The following PRKG2 variants were observed in gnomAD, a reference collection of about 807,000 sequenced individuals.
PRKG2 encodes the protein protein kinase cGMP-dependent 2.
In PRKG2, 33 loss-of-function variants were observed where a neutral mutation model predicts 97.2. That is an observed-to-expected ratio of 0.34 (90% CI 0.26 to 0.45). The LOEUF (loss-of-function observed/expected upper bound fraction) is 0.45. Ranked by LOEUF, PRKG2 falls within the 20% of genes least tolerant of loss-of-function variation. The pLI is 1.00. For synonymous variants in PRKG2, 330 were observed against 321.8 expected (o/e 1.03, Z -0.27); for missense variants, 638 against 900.0 (o/e 0.71, Z 3.73).
rs146371237 is a variant in PRKG2, at chr4:81,203,544, C to A, written c.461+1043G>T. Among the ~76,000 whole-genome samples the A allele has an allele frequency of 7.4e-3, 1,129 of 152,186 alleles. 12 individuals are homozygous for A. Among genetic ancestry groups the A allele is most frequent in the Non-Finnish European group, 0.011 (758 of 68,008 alleles). On this transcript the variant is annotated intron_variant, in intron 2 of 18. Transcript: ENST00000264399. ...TTAATTTCACAAATCTTGCATTTTG[C>A]AATAGAGATTCAGGCTCGACCAAGG...
At chr4:81,120,687 TTTG>T (rs551952309) in intron 14 of PRKG2, among the ~76,000 whole-genome samples, 1 of 152,130 alleles carries the variant, frequency 6.6e-6, no homozygotes, top group African/African-American at 2.4e-5. Context: ...TTCCATGAAA[TTTG>T]TTGTTGTTGT....
rs543530835 is a variant in PRKG2 at position 81,141,638 on chromosome 4, G to A, written c.1408-969C>T. ...ATAAGTAACTACATTGTGCAGAAAT[G>A]GCTGCACTCCATATTTTGCTCATGT... is the stretch of plus-strand genomic sequence containing the variant. On this transcript the variant is annotated intron_variant, in intron 11 of 18. Transcript: ENST00000264399. 6.6e-5 allele frequency among the ~76,000 whole-genome samples: 10 copies of A among 152,206 alleles called. No homozygotes were observed. The South Asian group carries it at 1.9e-3, about 28-fold the overall frequency.
At position 81,092,040 on chromosome 4, in the gene PRKG2, T is replaced by C. The variant is rs540831370; in HGVS notation, c.2193+346A>G. Among the ~76,000 whole-genome samples the C allele has an allele frequency of 1.9e-3, 295 of 152,300 alleles. 1 individual carries two copies. Among genetic ancestry groups the C allele is most frequent in the African/African-American group, 6.6e-3 (275 of 41,560 alleles). ...ATTAAAATTATTTTCACCTTTTTTT[T>C]CACCTTTTTAAAATGGCTATTAGAA... On this transcript the variant is annotated intron_variant, in intron 18 of 18. Transcript: ENST00000264399.
At position 81,215,047 on chromosome 4, in the gene PRKG2, C is replaced by A. The variant is rs1754208613; in HGVS notation, c.-125G>T. ...TCCCCAGCCGCCTGCGGCGCCGGAG[C>A]CCAGCGCAGGTCAGCTCAGCCAGCC... is the stretch of plus-strand genomic sequence containing the variant. On this transcript the variant is annotated 5_prime_UTR_variant, in exon 1 of 19. Transcript: ENST00000264399. The A allele has an allele frequency of 6.6e-6, 1 of 152,540 alleles. No homozygotes were observed. Among genetic ancestry groups the A allele is most frequent in the African/African-American group, 2.4e-5 (1 of 41,474 alleles). 9.4% of individuals were successfully genotyped at this position (152,540 alleles called of 1,614,324 possible). A position where few individuals can be genotyped will look rare whatever the true frequency, so the allele number is the denominator to read the frequency against.
chr4:81,104,194 T>C (rs1473350312), intron 17 of PRKG2, among the ~76,000 whole-genome samples, 176 bp downstream of exon 17: 2 of 152,136 alleles, frequency 1.3e-5, no homozygotes, highest in Non-Finnish European at 2.9e-5. Context: ...ACAAATCACT[T>C]TGAGATTGAT....
chr4:81,172,622 T>G (rs1162167569), intron 3 of PRKG2, among the ~76,000 whole-genome samples: 1 of 152,232 alleles, frequency 6.6e-6, no homozygotes, highest in East Asian at 1.9e-4. Flanking sequence ...TTTACTCTTC[T>G]TTTGCTTTGA....
chr4:81,181,407 G>T (rs1275205844), intron 2 of PRKG2, among the ~76,000 whole-genome samples: 3 of 151,574 alleles, frequency 2.0e-5, no homozygotes, highest in Non-Finnish European at 4.4e-5. Flanking sequence ...GAAAATTTAT[G>T]ATGTCAAATT....
chr4:81,112,816 A>C (rs1051040392), intron 14 of PRKG2, among the ~76,000 whole-genome samples: 2 of 152,196 alleles, frequency 1.3e-5, no homozygotes, highest in Non-Finnish European at 2.9e-5. Flanking sequence ...TTTCTATAAA[A>C]ATCACGCTAT....
chr4:81,126,732 G>C (rs1274562138), intron 14 of PRKG2, among the ~76,000 whole-genome samples: 2 of 151,264 alleles, frequency 1.3e-5, no homozygotes, highest in African/African-American at 4.9e-5. Flanking sequence ...TTTTTTTCTT[G>C]TAAATTTTTT....
chr4:81,097,516 G>C (rs1020422050), intron 17 of PRKG2, among the ~76,000 whole-genome samples: 3 of 152,140 alleles, frequency 2.0e-5, no homozygotes, highest in Non-Finnish European at 2.9e-5. Flanking sequence ...CCTAATAAGA[G>C]AGTTAATCTG....
chr4:81,098,679 G>A (rs779532721), intron 17 of PRKG2, among the ~76,000 whole-genome samples: 1 of 152,088 alleles, frequency 6.6e-6, no homozygotes, highest in South Asian at 2.1e-4. Flanking sequence ...ATGGGAAAAT[G>A]GGCCATCGAT....
intron 17 of PRKG2, among the ~76,000 whole-genome samples, chr4:81,101,615 TAAATG>T (rs1364693010): frequency 6.6e-6 from 1 of 151,458 alleles, no homozygotes; most frequent in Non-Finnish European, 1.5e-5. Context: ...TACCTAATGT[TAAATG>T]ACGAGTTACT....
chr4:81,152,099 A>T (rs1450094524), intron 7 of PRKG2, 45 bp from the exon 8 acceptor site: 1 of 1,444,392 alleles, frequency 6.9e-7, no homozygotes, highest in Admixed American at 1.9e-5. Context: ...CTGAAGAAAA[A>T]GGAGAATCTG....
chr4:81,145,215 G>C (rs960464922), intron 9 of PRKG2, among the ~76,000 whole-genome samples: 4 of 152,096 alleles, frequency 2.6e-5, no homozygotes, highest in African/African-American at 9.7e-5. Flanking sequence ...CTAGTTTACA[G>C]TCCCACCAAC....
At chr4:81,195,355 T>C (rs1752894952) in intron 2 of PRKG2, among the ~76,000 whole-genome samples, 1 of 152,170 alleles carries the variant, frequency 6.6e-6, no homozygotes, top group Non-Finnish European at 1.5e-5. Flanking sequence ...TGCTGTCAAG[T>C]TAGCCTCAGT....
intron 9 of PRKG2, among the ~76,000 whole-genome samples, chr4:81,145,083 T>C (rs1446682449): frequency 6.6e-6 from 1 of 152,120 alleles, no homozygotes; most frequent in Non-Finnish European, 1.5e-5. Flanking sequence ...TGCATGAGTC[T>C]TTATAGCAGT....
At chr4:81,102,584 C>T (rs1742910938) in intron 17 of PRKG2, among the ~76,000 whole-genome samples, 1 of 152,156 alleles carries the variant, frequency 6.6e-6, no homozygotes, top group Non-Finnish European at 1.5e-5. Context: ...TAGCACAGAA[C>T]ATTAGAATAG....
At chr4:81,115,320 T>A (rs1744409451) in intron 14 of PRKG2, among the ~76,000 whole-genome samples, 1 of 152,188 alleles carries the variant, frequency 6.6e-6, no homozygotes, top group Non-Finnish European at 1.5e-5. Flanking sequence ...ATCACTGTGG[T>A]CTTAACTTGC....
chr4:81,177,371 C>T (rs1751022266), intron 2 of PRKG2, among the ~76,000 whole-genome samples: 1 of 152,072 alleles, frequency 6.6e-6, no homozygotes, highest in Non-Finnish European at 1.5e-5. Flanking sequence ...GAATTTTTCT[C>T]AAAAGTAGAT....
Sources: gnomAD v4.1 joint callset for allele counts (sites outside exome capture counted in the v4.1 genomes callset) on GRCh38, gnomAD v4.1.1 for gene constraint, MANE v1.5 for transcripts, NCBI Gene and HGNC (gene_info 2026-07-23, HGNC 2026-07-21) for gene names.